CEP152: variants seen among roughly 807,000 people sequenced by gnomAD.
CEP152 encodes centrosomal protein 152, also known as centrosomal protein of 152 kDa.
CEP152 carries 132 observed loss-of-function variants against 188.9 expected under a neutral mutation model. That is an observed-to-expected ratio of 0.70 (90% CI 0.61 to 0.81). The LOEUF (loss-of-function observed/expected upper bound fraction) is 0.81. Among genes scored for constraint, CEP152 ranks in the 30% least tolerant of loss-of-function variants. CEP152 has a pLI of 0.00. For missense variants in CEP152, 1,914 were observed against 1,969.8 expected (o/e 0.97, Z 0.54); for synonymous variants, 649 against 666.6 (o/e 0.97, Z 0.41).
intron 12 of CEP152, among the ~76,000 whole-genome samples, chr15:48,775,582 A>G (rs1166865075): frequency 1.3e-5 from 2 of 152,160 alleles, no homozygotes; most frequent in African/African-American, 4.8e-5. Flanking sequence ...ATAAAAGGAA[A>G]CAGACTCTGT....
Position 48,744,318 on chromosome 15 carries a change from T to C in CEP152, c.3757A>G (p.Asn1253Asp), listed in dbSNP as rs760171628. ...PRSLSAGAIENACLPCSGGAL... is the reference protein window; with the variant it reads ...PRSLSAGAIEDACLPCSGGAL... Reference sequence around the variant, plus strand: ...CCCCCACTGCATGGCAGGCAAGCATTTTCAATGGCCCCTGCTGACAATGAC... The same window carrying C: ...CCCCCACTGCATGGCAGGCAAGCATCTTCAATGGCCCCTGCTGACAATGAC... The change falls in exon 24 of 27, where the codon AAT (asparagine) becomes GAT (aspartate). Residue 1253 changes from asparagine (N) to aspartate (D), a missense_variant. Asn to Asp is a conservative substitution (Grantham distance 23, BLOSUM62 1). Transcript: ENST00000380950. The C allele has an allele frequency of 1.9e-6, 3 of 1,613,938 alleles. No homozygotes were observed. The highest frequency in any genetic ancestry group is 1.7e-5 in the Admixed American group (1 of 59,996).
At chr15:48,790,333 G>A (rs1055162977) in intron 8 of CEP152, among the ~76,000 whole-genome samples, 1 of 152,214 alleles carries the variant, frequency 6.6e-6, no homozygotes, top group Non-Finnish European at 1.5e-5. Context: ...ATTTCAGATA[G>A]TTATAGAGTA....
At chr15:48,775,603 C>G (rs972648322) in intron 12 of CEP152, among the ~76,000 whole-genome samples, 9 of 152,074 alleles carry the variant, frequency 5.9e-5, no homozygotes, top group African/African-American at 2.2e-4. Flanking sequence ...CAGCAGCAGA[C>G]ATGCTTGAGA....
At chr15:48,775,252 A>C (rs1404167667) in intron 12 of CEP152, among the ~76,000 whole-genome samples, 1 of 152,024 alleles carries the variant, frequency 6.6e-6, no homozygotes, top group Non-Finnish European at 1.5e-5. Flanking sequence ...AATGGCTGAC[A>C]TTTTCACAAA....
At chr15:48,798,411 T>G (rs1177974128) in intron 2 of CEP152, among the ~76,000 whole-genome samples, 1 of 152,148 alleles carries the variant, frequency 6.6e-6, no homozygotes, top group Non-Finnish European at 1.5e-5. Flanking sequence ...AGAATCCTGT[T>G]TTATCAGTAA....
intron 13 of CEP152, among the ~76,000 whole-genome samples, chr15:48,770,477 G>A (rs1332551822): frequency 1.3e-5 from 2 of 151,584 alleles, no homozygotes; most frequent in Admixed American, 1.3e-4. Context: ...ATGATAAAGT[G>A]TATCTGTATA....
In CEP152 at chr15:48,742,026, G is replaced by T. The variant is rs376099036; in HGVS notation, c.3910C>A (p.Arg1304Ser). 6 of 1,613,972 alleles carry T rather than the reference G, an allele frequency of 3.7e-6. No homozygotes were observed. The highest frequency in any genetic ancestry group is 4.2e-6 in the Non-Finnish European group (5 of 1,180,010). The change falls in exon 25 of 27, where the codon CGT becomes AGT. Residue 1304 changes from arginine to serine, a missense_variant. Transcript: ENST00000380950. ...CGCATCTTTCGGGCGGTTTCTTGACGTTCTCGCAGTACCTCTGCTTTTACC... is the reference window on the plus strand; with the variant it reads ...CGCATCTTTCGGGCGGTTTCTTGACTTTCTCGCAGTACCTCTGCTTTTACC... ...EMVKAEVLRE[R>S]QETARKMRKY...
rs200886895 is a variant in CEP152, at chr15:48,772,533, T to C, written c.1736A>G (p.Glu579Gly). 6.2e-7 allele frequency: 1 copy of C among 1,613,600 alleles called. No homozygotes were observed. The highest frequency in any genetic ancestry group is 1.7e-5 in the Admixed American group (1 of 60,012). The change falls in exon 13 of 27, where the codon GAA becomes GGA. Residue 579 changes from glutamate to glycine, a missense_variant. Transcript: ENST00000380950. ...ATCCTTCTTCACTTGGTGGAGATCTTCAATTTTCTTATGACAGTCTTTGAG... is the reference window on the plus strand; with the variant it reads ...ATCCTTCTTCACTTGGTGGAGATCTCCAATTTTCTTATGACAGTCTTTGAG... ...NDLKDCHKKI[E>G]DLHQVKKDEK...
At position 48,752,393 on chromosome 15, in the gene CEP152, T is replaced by C. The variant is rs1487887141; in HGVS notation, c.3422A>G (p.His1141Arg). The C allele has an allele frequency of 3.1e-6, 5 of 1,613,906 alleles. No individual in the cohort carries two copies. Among genetic ancestry groups the C allele is most frequent in the Non-Finnish European group, 4.2e-6 (5 of 1,180,034 alleles). ...GQGDPGPAAG[H>R]HAQPLALQAT... Reference sequence around the variant, plus strand: ...TTGTAAGGCCAAGGGCTGAGCATGGTGTCCAGCAGCAGGTCCAGGGTCTCC... The same window carrying C: ...TTGTAAGGCCAAGGGCTGAGCATGGCGTCCAGCAGCAGGTCCAGGGTCTCC... Residue 1141 changes from histidine (H) to arginine (R), a missense_variant, in exon 21 of 27, where the codon CAC becomes CGC. Transcript: ENST00000380950.
At chr15:48,796,478 T>C (rs1217864346) in intron 5 of CEP152, among the ~76,000 whole-genome samples, 1 of 152,254 alleles carries the variant, frequency 6.6e-6, no homozygotes, top group East Asian at 1.9e-4. Context: ...TAAGACTATA[T>C]AGAAATATTT....
chr15:48,733,525 G>A (rs1442361623), downstream of CEP152, among the ~76,000 whole-genome samples: 1 of 152,106 alleles, frequency 6.6e-6, no homozygotes, highest in Non-Finnish European at 1.5e-5. Context: ...GTGCCTCAAA[G>A]ACCTGTGACA....
At chr15:48,777,466 T>TTGTGTGTGTGTGTGTGTG (rs35650877) in intron 12 of CEP152, among the ~76,000 whole-genome samples, 4 of 147,354 alleles carry the variant, frequency 2.7e-5, no homozygotes, top group South Asian at 2.2e-4. Flanking sequence ...TCTTAGAATA[T>TTGTGTGTGTGTGTGTGTG]TGTGTGTGTG....
At chr15:48,735,527 G>C (rs539555433), downstream of CEP152, among the ~76,000 whole-genome samples, 5 of 152,248 alleles carry the variant, frequency 3.3e-5, no homozygotes, top group African/African-American at 1.2e-4. Flanking sequence ...TTGAGGTCAG[G>C]AGTTCAAGAA....
intron 17 of CEP152, among the ~76,000 whole-genome samples, chr15:48,765,989 T>C (rs528428590): frequency 6.6e-6 from 1 of 151,816 alleles, no homozygotes; most frequent in East Asian, 1.9e-4. Context: ...ACACTAGTGA[T>C]TTCCCTATTT....
chr15:48,739,086 CT>C lies in CEP152; in HGVS notation c.4295del (p.Lys1432SerfsTer22), dbSNP rs1566971734. The stretch of plus-strand genomic sequence containing the variant: ...AATGTGTCTCTTTGGATCCCACATG[CT>C]TTATGCTCTGATGCTCTGAGTTCTC... ...LLENSEHQSI[K>X]HVGSKETHLE... On this transcript the variant is annotated frameshift_variant, in exon 27 of 27. Transcript: ENST00000380950. LOFTEE classifies it low-confidence loss of function (END_TRUNC). The C allele has an allele frequency of 6.2e-7, 1 of 1,614,194 alleles. No homozygotes were observed. Among genetic ancestry groups the C allele is most frequent in the Admixed American group, 1.7e-5 (1 of 60,032 alleles).
Position 48,796,047 on chromosome 15 carries a change from G to C in CEP152, c.654C>G (p.Phe218Leu), listed in dbSNP as rs367623474. The C allele has an allele frequency of 3.1e-6, 5 of 1,613,688 alleles. No individual in the cohort carries two copies. In the African/African-American group the frequency reaches 5.3e-5, roughly 17 times the overall value. Residue 218 changes from phenylalanine (F) to leucine (L), a missense_variant, in exon 6 of 27, where the codon TTC (phenylalanine) becomes TTG (leucine). Coordinates refer to ENST00000380950, the MANE Select transcript of CEP152 (RefSeq NM_001194998.2). ...PAQEITGSDT[F>L]EGLQQQFLGA... Reference sequence around the variant, plus strand: ...CTAAAAATTGTTGTTGCAGGCCTTCGAATGTGTCACTTCCTGTTATCTCCT... The same window carrying C: ...CTAAAAATTGTTGTTGCAGGCCTTCCAATGTGTCACTTCCTGTTATCTCCT...
At chr15:48,765,814 C>T (rs191144570) in intron 17 of CEP152, 2 of 294,824 alleles carry the variant, frequency 6.8e-6, no homozygotes, top group Non-Finnish European at 1.3e-5. Flanking sequence ...CAACCATGCC[C>T]GGCTAATTTT....
In CEP152 at chr15:48,786,673, C is replaced by T. The variant is rs140761712; in HGVS notation, c.1173+2128G>A. ...TGCAGAGCCTAACATCAGTGCCATG[C>T]TCTGTTAAAAAAAATAATAATAAAA... is the stretch of plus-strand genomic sequence containing the variant. On this transcript the variant is annotated intron_variant, in intron 9 of 26. Transcript: ENST00000380950. 2.5e-3 allele frequency among the ~76,000 whole-genome samples: 383 copies of T among 151,954 alleles called. 2 individuals carry two copies. Among genetic ancestry groups the T allele is most frequent in the African/African-American group, 8.9e-3 (369 of 41,488 alleles).
At chr15:48,803,859 G>A (rs992803567) in intron 2 of CEP152, among the ~76,000 whole-genome samples, 5 of 152,188 alleles carry the variant, frequency 3.3e-5, no homozygotes, top group African/African-American at 1.2e-4. Context: ...TATTTAAACT[G>A]ACCTTCTCAA....
Sources: allele counts gnomAD v4.1 joint callset (sites outside exome capture counted in the v4.1 genomes callset), GRCh38; gene constraint gnomAD v4.1.1; transcripts MANE v1.5; gene names NCBI Gene and HGNC (gene_info 2026-07-23, HGNC 2026-07-21).